The following PLCB1 variants were observed in gnomAD, a reference collection of about 807,000 sequenced individuals.
PLCB1 encodes the protein phospholipase C beta 1.
Under a neutral mutation model 161.8 loss-of-function variants are expected in PLCB1, and 46 were observed. The observed-to-expected ratio is 0.28, with a 90% CI of 0.22 to 0.36. The LOEUF is 0.36. PLCB1 is among the 10% of genes least tolerant of loss of function. PLCB1 has a pLI of 1.00. For missense variants in PLCB1, 1,016 were observed against 1,472.5 expected (o/e 0.69, Z 5.07); for synonymous variants, 517 against 503.7 (o/e 1.03, Z -0.35).
At chr20:8,611,512 T>G (rs1987902550) in intron 3 of PLCB1, among the ~76,000 whole-genome samples, 1 of 152,178 alleles carries the variant, frequency 6.6e-6, no homozygotes, top group African/African-American at 2.4e-5. Flanking sequence ...TATTATGACT[T>G]TATTTTAATA....
chr20:8,452,701 T>A lies in PLCB1; in HGVS notation c.246+81251T>A, dbSNP rs867850571. 2.6e-5 allele frequency among the ~76,000 whole-genome samples: 4 copies of A among 152,144 alleles called. No individual in the cohort carries two copies. The East Asian group carries it at 7.7e-4, about 29-fold the overall frequency. ...AAGCATTTGATTCTGTCCAAAGAGA[T>A]GAGTACAGAAAAAGCCAAAGAGAAG... On this transcript the variant is annotated intron_variant, in intron 3 of 31. Coordinates refer to ENST00000338037, the MANE Select transcript of PLCB1 (RefSeq NM_015192.4).
At chr20:8,317,993 TC>T (rs2122148255) in intron 2 of PLCB1, among the ~76,000 whole-genome samples, 1 of 148,236 alleles carries the variant, frequency 6.7e-6, no homozygotes, top group East Asian at 1.9e-4. Flanking sequence ...TTATTTCTTT[TC>T]TTTTTTTTTT....
At position 8,144,669 on chromosome 20, in the gene PLCB1, A is replaced by G. The variant is rs149897550; in HGVS notation, c.100-5625A>G. On this transcript the variant is annotated intron_variant, in intron 1 of 31. Transcript: ENST00000338037. ...TTTCATAGTCAGGGCTGTATTGCTC[A>G]TGTTTAGTTTGACAAGCATCACATC... Among the ~76,000 whole-genome samples the G allele has an allele frequency of 3.2e-3, 489 of 152,298 alleles. 1 individual carries two copies. The highest frequency in any genetic ancestry group is 0.011 in the African/African-American group (464 of 41,570).
chr20:8,710,798 T>G (rs1042967971), intron 12 of PLCB1, among the ~76,000 whole-genome samples: 1 of 152,044 alleles, frequency 6.6e-6, no homozygotes, highest in African/African-American at 2.4e-5. Context: ...GGCATACTTA[T>G]GTTCTTAAAG....
chr20:8,638,286 G>C (rs576908067), intron 4 of PLCB1, among the ~76,000 whole-genome samples: 1 of 152,226 alleles, frequency 6.6e-6, no homozygotes, highest in Admixed American at 6.5e-5. Context: ...AAGGAGCCAA[G>C]GGATACTATT....
In PLCB1 at chr20:8,847,181, A is replaced by G. The variant is rs550302658; in HGVS notation, c.3424-34441A>G. Among the ~76,000 whole-genome samples the G allele has an allele frequency of 6.6e-5, 10 of 151,376 alleles. No individual in the cohort carries two copies. The South Asian group carries it at 1.9e-3, about 29-fold the overall frequency. ...GACACTAGCAAGATTCTCACACACC[A>G]TCCTCAGACATTCTGATTCTGAAGC... On this transcript the variant is annotated intron_variant, in intron 31 of 31. Coordinates refer to ENST00000338037, the MANE Select transcript of PLCB1 (RefSeq NM_015192.4).
intron 3 of PLCB1, among the ~76,000 whole-genome samples, chr20:8,583,331 T>C (rs147889762): frequency 2.4e-4 from 37 of 152,264 alleles, no homozygotes; most frequent in African/African-American, 8.4e-4. Context: ...AACTTAAAAA[T>C]GGTAAAAGTG....
At chr20:8,403,046 A>G (rs1476066766) in intron 3 of PLCB1, among the ~76,000 whole-genome samples, 1 of 152,210 alleles carries the variant, frequency 6.6e-6, no homozygotes, top group Non-Finnish European at 1.5e-5. Flanking sequence ...TCAGTGTTGT[A>G]TATGATATCA....
intron 3 of PLCB1, among the ~76,000 whole-genome samples, chr20:8,569,378 A>T (rs371296646): frequency 6.6e-6 from 1 of 152,238 alleles, no homozygotes; most frequent in East Asian, 1.9e-4. Context: ...TTAAAACAGG[A>T]TTAATCCAAA....
intron 10 of PLCB1, among the ~76,000 whole-genome samples, chr20:8,696,713 T>C (rs952965835): frequency 2.0e-5 from 3 of 152,082 alleles, no homozygotes; most frequent in Admixed American, 1.3e-4. Flanking sequence ...TTGCGATCCT[T>C]TGTTTAATTT....
chr20:8,799,242 T>C (rs1984173930), intron 31 of PLCB1, among the ~76,000 whole-genome samples: 1 of 152,180 alleles, frequency 6.6e-6, no homozygotes, highest in Admixed American at 6.5e-5. Context: ...CAGAAGAGAA[T>C]CTTCCCCACC....
chr20:8,260,255 T>G (rs1238992912), intron 2 of PLCB1, among the ~76,000 whole-genome samples: 1 of 151,560 alleles, frequency 6.6e-6, no homozygotes, highest in Non-Finnish European at 1.5e-5. Flanking sequence ...ATTTTTTTTT[T>G]TTTTTTCTGT....
intron 4 of PLCB1, among the ~76,000 whole-genome samples, chr20:8,644,209 G>A (rs1989063932): frequency 6.6e-6 from 1 of 152,166 alleles, no homozygotes; most frequent in African/African-American, 2.4e-5. Context: ...CCTCTGCCCG[G>A]CCACCACCCC....
chr20:8,454,315 G>C (rs8118756), intron 3 of PLCB1, among the ~76,000 whole-genome samples: 32 of 152,186 alleles, frequency 2.1e-4, no homozygotes, highest in Non-Finnish European at 4.1e-4. Context: ...CCTTTGCCAT[G>C]ATGAGGAGTC....
Position 8,497,343 on chromosome 20 carries a change from C to A in PLCB1, c.246+125893C>A, listed in dbSNP as rs540764837. 3.0e-4 allele frequency among the ~76,000 whole-genome samples: 45 copies of A among 152,234 alleles called. 2 individuals carry two copies. In the South Asian group the frequency reaches 8.5e-3, roughly 29 times the overall value. ...TACACATCTGTTATTTGTTATTGAACTTTAAAATGATATATGAGGATTTAG... is the reference window on the plus strand; with the variant it reads ...TACACATCTGTTATTTGTTATTGAAATTTAAAATGATATATGAGGATTTAG... On this transcript the variant is annotated intron_variant, in intron 3 of 31. Coordinates refer to ENST00000338037, the MANE Select transcript of PLCB1 (RefSeq NM_015192.4).
intron 2 of PLCB1, among the ~76,000 whole-genome samples, chr20:8,279,567 T>C (rs1029063372): frequency 2.6e-5 from 4 of 152,234 alleles, no homozygotes; most frequent in Non-Finnish European, 4.4e-5. Context: ...TTAATGCCAC[T>C]GAACTGTATG....
chr20:8,408,515 T>TAA (rs917984444), intron 3 of PLCB1, among the ~76,000 whole-genome samples: 5 of 148,390 alleles, frequency 3.4e-5, no homozygotes, highest in Non-Finnish European at 6.0e-5. Context: ...AAGTTTTTTT[T>TAA]AAAAAAAAAA....
Position 8,688,419 on chromosome 20 carries a change from T to G in PLCB1, c.1009+3341T>G, listed in dbSNP as rs192886426. On this transcript the variant is annotated intron_variant, in intron 10 of 31. Coordinates refer to ENST00000338037, the MANE Select transcript of PLCB1 (RefSeq NM_015192.4). ...AATTTTTGGTCATGAAATCCTTGCC[T>G]AAGCCAATGTCTAGAAGGGTTTTTC... is the stretch of plus-strand genomic sequence containing the variant. Among the ~76,000 whole-genome samples the G allele has an allele frequency of 2.6e-4, 39 of 152,316 alleles. No individual in the cohort carries two copies. In the East Asian group the frequency reaches 7.1e-3, roughly 28 times the overall value.
At chr20:8,626,354 T>A (rs1988347131) in intron 3 of PLCB1, among the ~76,000 whole-genome samples, 1 of 152,142 alleles carries the variant, frequency 6.6e-6, no homozygotes, top group Non-Finnish European at 1.5e-5. Context: ...TTTACTTGCC[T>A]CGAGTTCCTT....
Sources: gnomAD v4.1 joint callset for allele counts (sites outside exome capture counted in the v4.1 genomes callset) on GRCh38, gnomAD v4.1.1 for gene constraint, MANE v1.5 for transcripts, NCBI Gene and HGNC (gene_info 2026-07-23, HGNC 2026-07-21) for gene names.